PBX3: variants seen among roughly 807,000 people sequenced by gnomAD.
PBX3 encodes pre-B-cell leukemia transcription factor 3.
PBX3 carries 14 observed loss-of-function variants against 48.5 expected under a neutral mutation model. The ratio of observed to expected loss-of-function variants is 0.29; its 90% CI spans 0.19 to 0.45. The LOEUF is 0.45. Among genes scored for constraint, PBX3 ranks in the 20% least tolerant of loss-of-function variants. The pLI is 1.00. For synonymous variants in PBX3, 210 were observed against 200.3 expected (o/e 1.05, Z -0.41); for missense variants, 386 against 546.7 (o/e 0.71, Z 2.93).
At chr9:125,752,560 G>A (rs1445995158) in intron 2 of PBX3, among the ~76,000 whole-genome samples, 3 of 151,470 alleles carry the variant, frequency 2.0e-5, no homozygotes, top group Non-Finnish European at 4.4e-5. Flanking sequence ...AAGAGACAAG[G>A]CAGTACTGTC....
At chr9:125,905,729 CATTTT>C (rs1170661634) in intron 2 of PBX3, among the ~76,000 whole-genome samples, 1 of 151,978 alleles carries the variant, frequency 6.6e-6, no homozygotes, top group East Asian at 1.9e-4. Flanking sequence ...TAGAATGTTT[CATTTT>C]ATTACCTAGT....
chr9:125,860,070 G>A (rs965382035), intron 2 of PBX3, among the ~76,000 whole-genome samples: 1 of 152,172 alleles, frequency 6.6e-6, no homozygotes, highest in African/African-American at 2.4e-5. Flanking sequence ...AATCTTTATG[G>A]CATTAAAACA....
chr9:125,790,618 G>T (rs1203290477), intron 2 of PBX3, among the ~76,000 whole-genome samples: 2 of 151,904 alleles, frequency 1.3e-5, no homozygotes, highest in Non-Finnish European at 2.9e-5. Context: ...ACCCAGGCTG[G>T]AGTGCAGTGG....
intron 3 of PBX3, among the ~76,000 whole-genome samples, chr9:125,922,879 ATCTT>A (rs766189932): frequency 8.5e-5 from 13 of 152,234 alleles, no homozygotes; most frequent in Non-Finnish European, 1.8e-4. Context: ...AAGTGTATGC[ATCTT>A]TCTTAAGGGT....
At chr9:125,748,410 T>G (rs1588111858) in intron 1 of PBX3, 140 bp from the exon 2 acceptor site, 11 of 1,419,128 alleles carry the variant, frequency 7.8e-6, no homozygotes, top group East Asian at 2.5e-5. Flanking sequence ...TCAACTGGAG[T>G]TTTTGTTGAC....
chr9:125,928,701 G>A (rs1376728140), intron 3 of PBX3, among the ~76,000 whole-genome samples: 1 of 151,990 alleles, frequency 6.6e-6, no homozygotes, highest in South Asian at 2.1e-4. Context: ...TCCTGCCCTC[G>A]TGATCCACCC....
intron 3 of PBX3, among the ~76,000 whole-genome samples, chr9:125,916,480 A>G (rs1054539519): frequency 1.3e-5 from 2 of 152,200 alleles, no homozygotes; most frequent in East Asian, 3.9e-4. Context: ...AGGGAATGCT[A>G]GGCAAGGCAT....
intron 2 of PBX3, among the ~76,000 whole-genome samples, chr9:125,848,451 ACTT>A (rs1412862980): frequency 6.6e-6 from 1 of 152,116 alleles, no homozygotes; most frequent in East Asian, 1.9e-4. Context: ...GTCTTATACT[ACTT>A]CCTTTTTTCT....
chr9:125,851,568 ATTGT>A (rs537315388), intron 2 of PBX3, among the ~76,000 whole-genome samples: 76 of 152,212 alleles, frequency 5.0e-4, no homozygotes, highest in Non-Finnish European at 8.7e-4. Context: ...CTTCACTGTG[ATTGT>A]TTTGATCAGA....
At chr9:125,810,365 A>AGTGTGT (rs113025234) in intron 2 of PBX3, among the ~76,000 whole-genome samples, 4,694 of 145,482 alleles carry the variant, frequency 0.032, 260 homozygotes, top group African/African-American at 0.11. Flanking sequence ...AGCAGGAATG[A>AGTGTGT]GTGTGTGTGT....
At chr9:125,775,196 A>T (rs563462741) in intron 2 of PBX3, among the ~76,000 whole-genome samples, 44 of 152,180 alleles carry the variant, frequency 2.9e-4, no homozygotes, top group African/African-American at 1.0e-3. Flanking sequence ...ATCAACACTT[A>T]TTATTTTCCA....
intron 5 of PBX3, among the ~76,000 whole-genome samples, chr9:125,947,987 G>A (rs1360812355): frequency 6.6e-6 from 1 of 152,156 alleles, no homozygotes; most frequent in Non-Finnish European, 1.5e-5. Flanking sequence ...AACTGAACAA[G>A]CAGACACATA....
intron 2 of PBX3, among the ~76,000 whole-genome samples, chr9:125,755,510 A>G (rs773612516): frequency 7.2e-5 from 11 of 152,034 alleles, no homozygotes; most frequent in East Asian, 1.9e-4. Flanking sequence ...CTTAACTGCT[A>G]TTGTGAGCCT....
intron 2 of PBX3, among the ~76,000 whole-genome samples, chr9:125,812,813 G>C (rs933313257): frequency 2.6e-5 from 4 of 152,184 alleles, no homozygotes; most frequent in African/African-American, 9.7e-5. Context: ...GTTATGTGCT[G>C]AATACTATAG....
In PBX3 at chr9:125,899,468, G is replaced by T. The variant is rs1035101879; in HGVS notation, c.275-16218G>T. 1.5e-3 allele frequency among the ~76,000 whole-genome samples: 222 copies of T among 147,662 alleles called. 7 individuals carry two copies. The highest frequency in any genetic ancestry group is 2.4e-3 in the Non-Finnish European group (158 of 66,850). ...ATATATATATATAGAGAGAGAGAGA[G>T]AGAGAGAGAGAGAGAGAGAGCTCAC... On this transcript the variant is annotated intron_variant, in intron 2 of 8. Coordinates refer to ENST00000373489, the MANE Select transcript of PBX3 (RefSeq NM_006195.6).
In PBX3 at chr9:125,824,773, T is replaced by C. The variant is rs192034622; in HGVS notation, c.274+76150T>C. On this transcript the variant is annotated intron_variant, in intron 2 of 8. Transcript: ENST00000373489. ...TGGGGGACAACAAAGTCTCCAGAAA[T>C]GGCTGATCTCAGCATTGCTATCTGT... Among the ~76,000 whole-genome samples the C allele has an allele frequency of 3.9e-3, 590 of 151,936 alleles. 3 individuals carry two copies. The highest frequency in any genetic ancestry group is 7.3e-3 in the Non-Finnish European group (495 of 67,960).
intron 3 of PBX3, among the ~76,000 whole-genome samples, chr9:125,923,642 T>C (rs1220734515): frequency 6.6e-6 from 1 of 152,162 alleles, no homozygotes; most frequent in Non-Finnish European, 1.5e-5. Flanking sequence ...CATGGCTCAC[T>C]GAAGCCTCGA....
At chr9:125,884,020 G>A (rs749665465) in intron 2 of PBX3, among the ~76,000 whole-genome samples, 4 of 152,092 alleles carry the variant, frequency 2.6e-5, no homozygotes, top group Non-Finnish European at 5.9e-5. Context: ...CCCATGATTT[G>A]CGATGAGCTT....
At chr9:125,891,654 C>T (rs755715815) in intron 2 of PBX3, among the ~76,000 whole-genome samples, 1 of 152,144 alleles carries the variant, frequency 6.6e-6, no homozygotes, top group East Asian at 1.9e-4. Context: ...GGAAAAACAT[C>T]TCTATTCTTT....
Sources: allele counts gnomAD v4.1 joint callset (sites outside exome capture counted in the v4.1 genomes callset), GRCh38; gene constraint gnomAD v4.1.1; transcripts MANE v1.5; gene names NCBI Gene and HGNC (gene_info 2026-07-23, HGNC 2026-07-21).